SASH1: variants seen among roughly 807,000 people sequenced by gnomAD.
The protein encoded by SASH1 is SAM and SH3 domain-containing protein 1.
A neutral mutation model predicts 125.2 loss-of-function variants in SASH1; 44 were observed. That is an observed-to-expected ratio of 0.35 (90% CI 0.28 to 0.45). The LOEUF (loss-of-function observed/expected upper bound fraction) is 0.45, where lower values mean the gene tolerates loss of function less well. Among genes scored for constraint, SASH1 ranks in the 20% least tolerant of loss-of-function variants. The pLI, the probability that SASH1 is intolerant of heterozygous loss-of-function variation, is 1.00. For synonymous variants in SASH1, 639 were observed against 649.1 expected (o/e 0.98, Z 0.24); for missense variants, 1,426 against 1,614.5 (o/e 0.88, Z 2.00).
intron 2 of SASH1, among the ~76,000 whole-genome samples, chr6:148,439,793 G>A (rs1776466785): frequency 6.6e-6 from 1 of 151,498 alleles, no homozygotes; most frequent in East Asian, 1.9e-4. Context: ...AAAAAAATTG[G>A]ATTGGAAGTC....
chr6:148,326,337 T>TATATATATATATGC (rs1554235292), intron 1 of SASH1, among the ~76,000 whole-genome samples: 1 of 77,338 alleles, frequency 1.3e-5, no homozygotes, highest in African/African-American at 5.3e-5. Context: ...TATATATATA[T>TATATATATATATGC]ATATATATAT....
chr6:148,322,930 T>TC, intron 1 of SASH1, among the ~76,000 whole-genome samples: 1 of 103,334 alleles, frequency 9.7e-6, no homozygotes, highest in African/African-American at 3.5e-5. Context: ...TCTTTCTCTC[T>TC]TTCTTTTCCT....
intron 4 of SASH1, among the ~76,000 whole-genome samples, chr6:148,459,044 G>A (rs924773142): frequency 6.6e-6 from 1 of 150,832 alleles, no homozygotes; most frequent in African/African-American, 2.4e-5. Context: ...ATGTCACGGG[G>A]ATATTCTGAA....
chr6:148,340,821 T>G (rs1462335783), upstream of SASH1, among the ~76,000 whole-genome samples: 1 of 152,138 alleles, frequency 6.6e-6, no homozygotes, highest in Admixed American at 6.5e-5. Context: ...TTAATAATTC[T>G]TTTGGTTTCC....
the SASH1 span, among the ~76,000 whole-genome samples, chr6:148,266,075 C>A: frequency 6.6e-6 from 1 of 151,988 alleles, no homozygotes; most frequent in Non-Finnish European, 1.5e-5. Flanking sequence ...CAGATTCAAG[C>A]AATTCTCCTG....
At chr6:148,419,740 A>C (rs1784977091) in intron 2 of SASH1, among the ~76,000 whole-genome samples, 1 of 152,198 alleles carries the variant, frequency 6.6e-6, no homozygotes, top group Non-Finnish European at 1.5e-5. Flanking sequence ...TTCCTGAGAA[A>C]AAGACATGCT....
intron 2 of SASH1, among the ~76,000 whole-genome samples, chr6:148,394,573 C>T (rs1562377551): frequency 1.3e-5 from 2 of 152,202 alleles, no homozygotes; most frequent in African/African-American, 2.4e-5. Context: ...TTGGTTGGCA[C>T]AACTTCAGGT....
intron 1 of SASH1, among the ~76,000 whole-genome samples, chr6:148,321,084 C>T (rs554388505): frequency 1.3e-5 from 2 of 152,264 alleles, no homozygotes; most frequent in South Asian, 2.1e-4. Flanking sequence ...AACATAATCA[C>T]GGTTTTTACC....
chr6:148,463,279 C>T (rs1399070477), intron 4 of SASH1, among the ~76,000 whole-genome samples: 2 of 151,778 alleles, frequency 1.3e-5, no homozygotes, highest in South Asian at 2.1e-4. Context: ...TGAGTAGCTG[C>T]GATTACAGGT....
At chr6:148,355,556 C>T (rs750793241) in intron 1 of SASH1, among the ~76,000 whole-genome samples, 2 of 152,134 alleles carry the variant, frequency 1.3e-5, no homozygotes, top group Admixed American at 6.5e-5. Context: ...CAGCTAGTTA[C>T]CCCACGTTAA....
chr6:148,461,241 G>T (rs776498218), intron 4 of SASH1, among the ~76,000 whole-genome samples: 2 of 152,150 alleles, frequency 1.3e-5, no homozygotes, highest in African/African-American at 4.8e-5. Context: ...GTGTGTGCTG[G>T]GTCAGGCCAT....
intron 10 of SASH1, 61 bp from the exon 11 acceptor site, chr6:148,525,230 G>T (rs1781072317): frequency 1.6e-6 from 2 of 1,230,110 alleles, no homozygotes; most frequent in Non-Finnish European, 1.2e-6. Context: ...TGCTGGGTTG[G>T]TGCACTGCCG....
In SASH1 at chr6:148,543,124, C is replaced by T. The variant is rs145877181; in HGVS notation, c.2210-556C>T. Reference sequence around the variant, plus strand: ...TGTAGATTTTCTTTGGCAAAGTACTCACAAAAGTTTACCTGTCTGTGTCCA... The same window carrying T: ...TGTAGATTTTCTTTGGCAAAGTACTTACAAAAGTTTACCTGTCTGTGTCCA... On this transcript the variant is annotated intron_variant, in intron 17 of 19. Transcript: ENST00000367467. 2.8e-3 allele frequency among the ~76,000 whole-genome samples: 432 copies of T among 152,266 alleles called. 3 individuals carry two copies. Among genetic ancestry groups the T allele is most frequent in the African/African-American group, 9.9e-3 (410 of 41,550 alleles).
At chr6:148,488,287 C>T (rs1778962731) in intron 8 of SASH1, among the ~76,000 whole-genome samples, 1 of 152,234 alleles carries the variant, frequency 6.6e-6, no homozygotes, top group Non-Finnish European at 1.5e-5. Context: ...ATAATTCTTT[C>T]AGGGTTCATC....
At chr6:148,503,764 A>G (rs1779655783) in intron 8 of SASH1, among the ~76,000 whole-genome samples, 1 of 151,654 alleles carries the variant, frequency 6.6e-6, no homozygotes, top group Non-Finnish European at 1.5e-5. Flanking sequence ...TTCTTGTAAA[A>G]AAAAAAAAAA....
intron 8 of SASH1, chr6:148,513,033 G>T (rs1348931777): frequency 1.0e-6 from 1 of 985,204 alleles, no homozygotes; most frequent in African/African-American, 1.7e-5. Context: ...GTGCAAAGAG[G>T]ACTCACAACG....
chr6:148,387,616 CTTT>C lies in SASH1; in HGVS notation c.157-2517_157-2515del, dbSNP rs1783479664. Among the ~76,000 whole-genome samples the C allele has an allele frequency of 4.8e-4, 10 of 21,034 alleles. 1 individual carries two copies. The highest frequency in any genetic ancestry group is 1.6e-3 in the African/African-American group (8 of 4,960). The allele number at this position is 21,034 out of a possible 152,430, so 13.8% of individuals were successfully genotyped here. A position where few individuals can be genotyped will look rare whatever the true frequency, so the allele number is the denominator to read the frequency against. Reference sequence around the variant, plus strand: ...TCTTTCTTTCTTTCTTTCTTTCTTTCTTTCTTTCTTTCTTTCTTTCTTTCTTTC... The same window carrying C: ...TCTTTCTTTCTTTCTTTCTTTCTTTCCTTTCTTTCTTTCTTTCTTTCTTTC... On this transcript the variant is annotated intron_variant, in intron 1 of 19. Transcript: ENST00000367467.
At chr6:148,524,273 C>A (rs1020979514) in intron 10 of SASH1, 1 of 150,588 alleles carries the variant, frequency 6.6e-6, no homozygotes, top group South Asian at 2.1e-4. Flanking sequence ...CATTTAATAG[C>A]TGTTCATTAG....
chr6:148,392,784 G>A (rs1048254227), intron 2 of SASH1, among the ~76,000 whole-genome samples: 5 of 152,224 alleles, frequency 3.3e-5, no homozygotes, highest in African/African-American at 9.6e-5. Flanking sequence ...GGAGCCTGAC[G>A]CCTTGGCCCA....
Sources: gnomAD v4.1 joint callset for allele counts (sites outside exome capture counted in the v4.1 genomes callset) on GRCh38, gnomAD v4.1.1 for gene constraint, MANE v1.5 for transcripts, NCBI Gene and HGNC (gene_info 2026-07-23, HGNC 2026-07-21) for gene names.